IFRD1: variants seen among roughly 807,000 people sequenced by gnomAD.
The protein encoded by IFRD1 is interferon related developmental regulator 1.
In IFRD1, 35 loss-of-function variants were observed where a neutral mutation model predicts 52.9. The ratio of observed to expected loss-of-function variants is 0.66; its 90% CI spans 0.51 to 0.88. The LOEUF is 0.88. IFRD1 is among the 40% of genes least tolerant of loss of function. The pLI is 0.00. For missense variants in IFRD1, 517 were observed against 550.8 expected, an observed-to-expected ratio of 0.94 and a Z score of 0.61; for synonymous variants, 184 against 188.4, an observed-to-expected ratio of 0.98 and a Z score of 0.19.
At chr7:112,466,828 A>G (rs565685005) in intron 8 of IFRD1, among the ~76,000 whole-genome samples, 1 of 152,344 alleles carries the variant, frequency 6.6e-6, no homozygotes, top group African/African-American at 2.4e-5. Context: ...CTTGTTTTTT[A>G]TAAATAAAAT....
At chr7:112,452,602 T>G in intron 1 of IFRD1, 3 of 220,058 alleles carry the variant, frequency 1.4e-5, no homozygotes, top group Non-Finnish European at 1.5e-5. Context: ...AGTAATGGCC[T>G]AGATCACGCA....
At chr7:112,470,003 G>C (rs1348564110) in intron 9 of IFRD1, among the ~76,000 whole-genome samples, 2 of 151,628 alleles carry the variant, frequency 1.3e-5, no homozygotes, top group African/African-American at 4.9e-5. Flanking sequence ...CTTCTCGGAT[G>C]GGTCTTTAAA....
At position 112,467,991 on chromosome 7, in the gene IFRD1, A is replaced by G; in HGVS notation, c.917A>G (p.Tyr306Cys). ...LARGIESDFFYEDMESLTQML... is the reference protein window; with the variant it reads ...LARGIESDFFCEDMESLTQML... ...GCTTTTCTTGTCCAGGACTTTTTTT[A>G]TGAAGACATGGAGTCCTTGACGCAG... The change falls in exon 9 of 12, where the codon TAT becomes TGT. Residue 306 changes from tyrosine to cysteine, a missense_variant. Physicochemically the swap from Tyr to Cys is radical, Grantham distance 194. Transcript: ENST00000403825. 2 of 1,613,998 alleles carry G rather than the reference A, an allele frequency of 1.2e-6. No individual in the cohort carries two copies. Among genetic ancestry groups the G allele is most frequent in the Middle Eastern group, 1.7e-4 (1 of 6,058 alleles).
chr7:112,456,238 A>G, intron 3 of IFRD1, 152 bp downstream of exon 3: 2 of 700,894 alleles, frequency 2.9e-6, no homozygotes. Flanking sequence ...ATTTTTCCTA[A>G]AGGTTAATTT....
intron 8 of IFRD1, among the ~76,000 whole-genome samples, chr7:112,466,283 G>C (rs888624347): frequency 5.9e-5 from 9 of 151,894 alleles, no homozygotes; most frequent in Non-Finnish European, 1.0e-4. Flanking sequence ...AGTATATAGA[G>C]TCTTTTTTCT....
chr7:112,475,408 T>G, intron 11 of IFRD1, 22 bp from the exon 12 acceptor site: 2 of 1,447,200 alleles, frequency 1.4e-6, no homozygotes, highest in Non-Finnish European at 1.9e-6. Flanking sequence ...CTGATGCACG[T>G]TTTTCCTTTT....
intron 8 of IFRD1, chr7:112,467,729 T>A (rs780083878): frequency 4.9e-5 from 22 of 451,544 alleles, no homozygotes; most frequent in Middle Eastern, 6.6e-4. Flanking sequence ...GAAATATTTG[T>A]TGGATGCATT....
At chr7:112,450,824 G>C in intron 1 of IFRD1, 42 bp downstream of exon 1, 1 of 1,390,692 alleles carries the variant, frequency 7.2e-7, no homozygotes, top group Non-Finnish European at 1.0e-6. Flanking sequence ...TTGCCGGCCA[G>C]GCTGGCGAGT....
rs372686652 is a variant in IFRD1 at position 112,462,198 on chromosome 7, A to T, written c.797+19A>T. On this transcript the variant is annotated intron_variant, in intron 7 of 11. Transcript: ENST00000403825. ...TTGAGATGTATGTATTTTTAGTTTC[A>T]TATTTTATAAAAGCAACATTTAGTG... The T allele has an allele frequency of 6.2e-7, 1 of 1,612,992 alleles. No homozygotes were observed.
intron 2 of IFRD1, 23 bp downstream of exon 2, chr7:112,455,890 T>G: frequency 1.3e-6 from 2 of 1,547,668 alleles, no homozygotes; most frequent in Non-Finnish European, 1.8e-6. Context: ...AATTTAAATT[T>G]GCAACTTTAG....
chr7:112,424,486 C>T (rs1794387163), intron 1 of IFRD1, among the ~76,000 whole-genome samples: 1 of 151,590 alleles, frequency 6.6e-6, no homozygotes, highest in South Asian at 2.1e-4. Flanking sequence ...ACGATCTTGA[C>T]TCATTGCACC....
intron 1 of IFRD1, among the ~76,000 whole-genome samples, chr7:112,445,296 G>A (rs1449248028): frequency 3.3e-5 from 5 of 152,016 alleles, no homozygotes; most frequent in Non-Finnish European, 5.9e-5. Flanking sequence ...TCGATCTCCT[G>A]ACCTTGTGAT....
chr7:112,434,006 G>C (rs1794609895), intron 1 of IFRD1, among the ~76,000 whole-genome samples: 1 of 151,494 alleles, frequency 6.6e-6, no homozygotes, highest in African/African-American at 2.4e-5. Context: ...TTTTTTTTTA[G>C]AGACAGGGTT....
intron 9 of IFRD1, 150 bp downstream of exon 9, chr7:112,468,265 G>A: frequency 4.0e-6 from 3 of 744,422 alleles, no homozygotes; most frequent in South Asian, 1.7e-5. Flanking sequence ...CAATATAAGT[G>A]AAGACTTTTT....
intron 9 of IFRD1, 144 bp downstream of exon 9, chr7:112,468,259 A>T: frequency 2.4e-6 from 2 of 839,830 alleles, no homozygotes; most frequent in Non-Finnish European, 3.8e-6. Context: ...TTTTAACAAT[A>T]TAAGTGAAGA....
intron 1 of IFRD1, chr7:112,452,104 A>G: frequency 2.0e-6 from 2 of 983,546 alleles, no homozygotes; most frequent in Non-Finnish European, 2.4e-6. Flanking sequence ...ATCAAGATGT[A>G]AAATATGTAA....
chr7:112,437,810 T>C (rs575011972), intron 1 of IFRD1, among the ~76,000 whole-genome samples: 1 of 151,974 alleles, frequency 6.6e-6, no homozygotes, highest in East Asian at 1.9e-4. Flanking sequence ...TGGGCAAAAC[T>C]GGAGGTGGGA....
At chr7:112,434,898 G>A (rs1794635288) in intron 1 of IFRD1, among the ~76,000 whole-genome samples, 1 of 152,074 alleles carries the variant, frequency 6.6e-6, no homozygotes, top group Non-Finnish European at 1.5e-5. Context: ...ACATTGAAAA[G>A]GTCACTCACA....
At chr7:112,460,982 G>C (rs1156303775) in intron 5 of IFRD1, among the ~76,000 whole-genome samples, 4 of 152,146 alleles carry the variant, frequency 2.6e-5, no homozygotes, top group African/African-American at 9.7e-5. Flanking sequence ...TGTTTATGTT[G>C]CAAGTAGATG....
Sources: gnomAD v4.1 joint callset for allele counts (sites outside exome capture counted in the v4.1 genomes callset) on GRCh38, gnomAD v4.1.1 for gene constraint, MANE v1.5 for transcripts, NCBI Gene and HGNC (gene_info 2026-07-23, HGNC 2026-07-21) for gene names.